The following PPM1H variants were observed in gnomAD, a reference collection of about 807,000 sequenced individuals.
PPM1H encodes the protein protein phosphatase, Mg2+/Mn2+ dependent 1H, also known as protein phosphatase 1H.
PPM1H carries 27 observed loss-of-function variants against 54.9 expected under a neutral mutation model. The observed-to-expected ratio is 0.49, with a 90% CI of 0.36 to 0.68. PPM1H has a LOEUF of 0.68. PPM1H is among the 30% of genes least tolerant of loss of function. The pLI is 0.00. For missense variants in PPM1H, 596 were observed against 667.8 expected, an observed-to-expected ratio of 0.89 and a Z score of 1.19; for synonymous variants, 305 against 270.8, an observed-to-expected ratio of 1.13 and a Z score of -1.24.
intron 1 of PPM1H, among the ~76,000 whole-genome samples, chr12:62,917,025 T>G (rs986611825): frequency 6.6e-6 from 1 of 152,210 alleles, no homozygotes; most frequent in African/African-American, 2.4e-5. Context: ...TGTCTTGCAC[T>G]GACATAGGTC....
intron 1 of PPM1H, among the ~76,000 whole-genome samples, chr12:62,914,123 C>G (rs188682647): frequency 6.6e-6 from 1 of 152,294 alleles, no homozygotes; most frequent in Admixed American, 6.5e-5. Flanking sequence ...GTGTTTGGGT[C>G]ACGGAGTCAA....
intron 9 of PPM1H, among the ~76,000 whole-genome samples, chr12:62,652,341 T>C (rs1316039618): frequency 6.6e-6 from 1 of 152,168 alleles, no homozygotes; most frequent in Non-Finnish European, 1.5e-5. Flanking sequence ...GCTTCCCAAG[T>C]AGCTAGGACT....
intron 1 of PPM1H, among the ~76,000 whole-genome samples, chr12:62,838,188 T>C (rs1030678710): frequency 6.6e-6 from 1 of 152,182 alleles, no homozygotes; most frequent in African/African-American, 2.4e-5. Flanking sequence ...CCTTGACAGT[T>C]CAGGCTAAAA....
chr12:62,645,373 A>G lies in PPM1H; in HGVS notation c.*3116T>C, dbSNP rs542260101. The G allele has an allele frequency of 1.3e-4, 20 of 152,376 alleles. No homozygotes were observed. Among genetic ancestry groups the G allele is most frequent in the African/African-American group, 4.1e-4 (17 of 41,594 alleles). 9.4% of individuals were successfully genotyped at this position (152,376 alleles called of 1,614,324 possible). A position where few individuals can be genotyped will look rare whatever the true frequency, so the allele number is the denominator to read the frequency against. ...AAGTAAACACCCCAAATCCTCCAAA[A>G]TGGAATACTGTGGAAAATAACTGAA... On this transcript the variant is annotated 3_prime_UTR_variant, in exon 10 of 10. Coordinates refer to ENST00000228705, the MANE Select transcript of PPM1H (RefSeq NM_020700.2).
intron 6 of PPM1H, among the ~76,000 whole-genome samples, chr12:62,700,922 A>AT (rs1047693119): frequency 2.0e-5 from 3 of 151,756 alleles, no homozygotes; most frequent in Non-Finnish European, 2.9e-5. Context: ...TTCCTGCTTT[A>AT]TTTTTTTTCC....
intron 6 of PPM1H, among the ~76,000 whole-genome samples, chr12:62,703,966 G>C (rs1403745308): frequency 8.0e-6 from 1 of 124,392 alleles, no homozygotes; most frequent in African/African-American, 2.9e-5. Context: ...ACATGAAAGA[G>C]AGAGAAAGCG....
At chr12:62,813,640 G>T (rs1238983053) in intron 2 of PPM1H, among the ~76,000 whole-genome samples, 1 of 152,186 alleles carries the variant, frequency 6.6e-6, no homozygotes, top group Admixed American at 6.5e-5. Context: ...ATAAGAACAT[G>T]TCAGAGCTGG....
intron 2 of PPM1H, among the ~76,000 whole-genome samples, chr12:62,825,889 A>T (rs796663678): frequency 1.3e-5 from 2 of 152,052 alleles, no homozygotes; most frequent in African/African-American, 4.8e-5. Context: ...TAATAAAAAA[A>T]AAATAATAAA....
chr12:62,894,784 C>T (rs1445040664), intron 1 of PPM1H, among the ~76,000 whole-genome samples: 1 of 152,166 alleles, frequency 6.6e-6, no homozygotes, highest in African/African-American at 2.4e-5. Flanking sequence ...TTAATCTCCA[C>T]ATGTTGGGAG....
intron 3 of PPM1H, among the ~76,000 whole-genome samples, chr12:62,795,604 C>A (rs927522389): frequency 5.3e-5 from 8 of 151,988 alleles, no homozygotes; most frequent in Non-Finnish European, 1.2e-4. Flanking sequence ...CCACCACGCC[C>A]AGCTAATTTT....
chr12:62,804,876 C>T (rs952322584), intron 2 of PPM1H, among the ~76,000 whole-genome samples: 5 of 151,384 alleles, frequency 3.3e-5, no homozygotes, highest in Non-Finnish European at 7.4e-5. Flanking sequence ...GGGGTTTCAC[C>T]GTTTTAGCTG....
At chr12:62,689,571 TGA>T in intron 8 of PPM1H, 126 bp downstream of exon 8, 1 of 650,692 alleles carries the variant, frequency 1.5e-6, no homozygotes, top group Non-Finnish European at 2.7e-6. Context: ...GACACAGACG[TGA>T]GAGATACAGT....
At chr12:62,656,908 G>A (rs80129024) in intron 9 of PPM1H, among the ~76,000 whole-genome samples, 3,234 of 152,136 alleles carry the variant, frequency 0.021, 108 homozygotes, top group African/African-American at 0.073. Flanking sequence ...CCAGAACTAG[G>A]CAACTCATCC....
intron 1 of PPM1H, among the ~76,000 whole-genome samples, chr12:62,858,611 G>C (rs1869482989): frequency 6.6e-6 from 1 of 152,162 alleles, no homozygotes; most frequent in Admixed American, 6.5e-5. Flanking sequence ...GTCCCGGCAG[G>C]TCTGCCTAAG....
intron 1 of PPM1H, among the ~76,000 whole-genome samples, chr12:62,832,785 C>A (rs570402506): frequency 1.3e-5 from 2 of 152,158 alleles, no homozygotes; most frequent in African/African-American, 2.4e-5. Context: ...CATACCCCCC[C>A]ATTTTTGCTT....
At chr12:62,865,150 G>T (rs1373129912) in intron 1 of PPM1H, among the ~76,000 whole-genome samples, 2 of 152,130 alleles carry the variant, frequency 1.3e-5, no homozygotes, top group Admixed American at 1.3e-4. Flanking sequence ...TGTCACTAGG[G>T]AGGGATTGCA....
At chr12:62,888,876 G>T (rs1044421308) in intron 1 of PPM1H, among the ~76,000 whole-genome samples, 7 of 152,174 alleles carry the variant, frequency 4.6e-5, no homozygotes, top group Admixed American at 4.6e-4. Flanking sequence ...GATGCAAGGT[G>T]ACGAAGCCAG....
chr12:62,671,475 C>T (rs1013395480), intron 8 of PPM1H, among the ~76,000 whole-genome samples: 7 of 152,214 alleles, frequency 4.6e-5, no homozygotes, highest in Non-Finnish European at 7.3e-5. Context: ...TTATTGCATA[C>T]TTGCTGTGTG....
In PPM1H at chr12:62,884,437, G is replaced by A. The variant is rs570878528; in HGVS notation, c.245+50055C>T. On this transcript the variant is annotated intron_variant, in intron 1 of 9. Transcript: ENST00000228705. ...AATCACTTGAACCCCAGAGGCAGAGGCTGTGGTGAGCTGAGATCATGCCAC... is the reference window on the plus strand; with the variant it reads ...AATCACTTGAACCCCAGAGGCAGAGACTGTGGTGAGCTGAGATCATGCCAC... 6.1e-5 allele frequency among the ~76,000 whole-genome samples: 9 copies of A among 147,882 alleles called. No individual in the cohort carries two copies. In the South Asian group the frequency reaches 1.5e-3, roughly 24 times the overall value.
Sources: allele counts gnomAD v4.1 joint callset (sites outside exome capture counted in the v4.1 genomes callset), GRCh38; gene constraint gnomAD v4.1.1; transcripts MANE v1.5; gene names NCBI Gene and HGNC (gene_info 2026-07-23, HGNC 2026-07-21).